Variants in POLR2E observed in about 807,000 individuals in gnomAD.
The protein encoded by POLR2E is RNA polymerase II, I and III subunit E, also known as DNA-directed RNA polymerases I, II, and III subunit RPABC1.
POLR2E carries 35 observed loss-of-function variants against 29.8 expected under a neutral mutation model. The observed-to-expected ratio is 1.17, with a 90% CI of 0.90 to 1.55. The LOEUF (loss-of-function observed/expected upper bound fraction) is 1.55. Ranked by LOEUF, POLR2E falls within the 40% of genes most tolerant of loss-of-function variation. POLR2E has a pLI of 0.00. For synonymous variants in POLR2E, 174 were observed against 112.6 expected, an observed-to-expected ratio of 1.55 and a Z score of -3.45; for missense variants, 287 against 288.6, an observed-to-expected ratio of 0.99 and a Z score of 0.04.
At chr19:1,092,675 A>G (rs2052102306) in intron 2 of POLR2E, among the ~76,000 whole-genome samples, 1 of 150,076 alleles carries the variant, frequency 6.7e-6, no homozygotes, top group Non-Finnish European at 1.5e-5. Flanking sequence ...GCAACAGAGC[A>G]AGACTCTGTC....
Position 1,087,693 on chromosome 19 carries a change from A to G in POLR2E, c.*1042T>C, listed in dbSNP as rs2043731942. 7.5e-6 allele frequency: 1 copy of G among 133,862 alleles called. No homozygotes were observed. The allele number at this position is 133,862 out of a possible 1,614,324, so 8.3% of individuals were successfully genotyped here. ...TTTGAAAAAAGTACATTTGGAGAGA[A>G]GGGGAAGCACTGTCCCCATCACACA... On this transcript the variant is annotated 3_prime_UTR_variant, in exon 8 of 8. Coordinates refer to ENST00000615234, the MANE Select transcript of POLR2E (RefSeq NM_002695.5).
At chr19:1,093,717 T>C in intron 2 of POLR2E, 187 bp downstream of exon 2, 1 of 1,374,990 alleles carries the variant, frequency 7.3e-7, no homozygotes. Flanking sequence ...AGAAAGAAGC[T>C]GAGCATGAGA....
At chr19:1,091,024 G>A (rs1269906408) in intron 3 of POLR2E, 36 bp from the exon 4 acceptor site, 1 of 1,591,866 alleles carries the variant, frequency 6.3e-7, no homozygotes, top group Middle Eastern at 1.7e-4. Context: ...GGCCCGGAGG[G>A]GCCCAGACAA....
In POLR2E at chr19:1,089,756, G is replaced by T. The variant is rs1237890489; in HGVS notation, c.567+128C>A. On this transcript the variant is annotated intron_variant, in intron 6 of 7. Transcript: ENST00000615234. ...TGGCTTTAAGAGGGGGATATTGGGG[G>T]TGTGGTCTCGAGGTCCCCTCCAGGC... is the stretch of plus-strand genomic sequence containing the variant. 26 of 816,762 alleles carry T rather than the reference G, an allele frequency of 3.2e-5. No homozygotes were observed. In the East Asian group the frequency reaches 5.8e-4, roughly 18 times the overall value. 50.6% of individuals were successfully genotyped at this position (816,762 alleles called of 1,614,324 possible).
intron 2 of POLR2E, 111 bp from the exon 3 acceptor site, chr19:1,092,018 T>A (rs2043843687): frequency 2.7e-6 from 2 of 736,866 alleles, no homozygotes; most frequent in Non-Finnish European, 4.8e-6. Context: ...GTGTCTCTCC[T>A]GCTCGGGCCT....
intron 2 of POLR2E, chr19:1,092,376 C>T (rs761308066): frequency 1.2e-4 from 19 of 160,424 alleles, no homozygotes; most frequent in Non-Finnish European, 1.9e-4. Context: ...AGTTCTAAAC[C>T]GGCCTGGCCA....
rs766966806 is a variant in POLR2E at position 1,091,828 on chromosome 19, G to A, written c.312C>T (p.Ile104=). 39 of 1,612,440 alleles carry A rather than the reference G, an allele frequency of 2.4e-5. No individual in the cohort carries two copies. The highest frequency in any genetic ancestry group is 2.2e-4 in the Admixed American group (13 of 59,994). Residue 104 remains isoleucine, a synonymous_variant, in exon 3 of 8, where the codon ATC becomes ATT. Transcript: ENST00000615234. ...AGGGTGTCATGCCCTGCTGCACCACGATGAGAGCCCGTGTGATGTTCTCCT... is the reference window on the plus strand; with the variant it reads ...AGGGTGTCATGCCCTGCTGCACCACAATGAGAGCCCGTGTGATGTTCTCCT... ...MQEENITRAL[I]VVQQGMTPSA...
Position 1,090,105 on chromosome 19 carries a change from G to A in POLR2E, c.470C>T (p.Thr157Ile). 6.2e-7 allele frequency: 1 copy of A among 1,612,614 alleles called. No homozygotes were observed. Among genetic ancestry groups the A allele is most frequent in the East Asian group, 2.2e-5 (1 of 44,884 alleles). ...EHVVMTKEEVTELLARYKLRE... is the reference protein window; with the variant it reads ...EHVVMTKEEVIELLARYKLRE... ...AGGATACTATCGGGCCAGCAGCTCT[G>A]TCACCTCCTCCTTGGTCATGACGAC... is the stretch of plus-strand genomic sequence containing the variant. Residue 157 changes from threonine to isoleucine, a missense_variant, in exon 5 of 8, where the codon ACA becomes ATA. Coordinates refer to ENST00000615234, the MANE Select transcript of POLR2E (RefSeq NM_002695.5).
intron 6 of POLR2E, 21 bp downstream of exon 6, chr19:1,089,863 C>G: frequency 6.3e-7 from 1 of 1,593,578 alleles, no homozygotes; most frequent in South Asian, 1.1e-5. Context: ...CCCCAGGGCC[C>G]CTTCTCCCCA....
At chr19:1,091,632 G>A in intron 3 of POLR2E, 160 bp downstream of exon 3, 1 of 613,218 alleles carries the variant, frequency 1.6e-6, no homozygotes. Context: ...CGCGGTGGGA[G>A]GGAGGCGGTC....
intron 3 of POLR2E, 161 bp downstream of exon 3, chr19:1,091,631 A>G: frequency 1.6e-6 from 1 of 609,744 alleles, no homozygotes; most frequent in Non-Finnish European, 3.0e-6. Context: ...ACGCGGTGGG[A>G]GGGAGGCGGT....
intron 7 of POLR2E, among the ~76,000 whole-genome samples, chr19:1,089,240 G>A (rs1233182540): frequency 6.6e-6 from 1 of 152,206 alleles, no homozygotes; most frequent in South Asian, 2.1e-4. Context: ...AGAGACGCAC[G>A]CCCCGCGTAC....
chr19:1,089,262 C>T (rs958293331), intron 7 of POLR2E, among the ~76,000 whole-genome samples: 5 of 152,330 alleles, frequency 3.3e-5, no homozygotes, highest in African/African-American at 2.4e-5. Flanking sequence ...AGGACTCTCC[C>T]GTCCAGGCGC....
intron 1 of POLR2E, 160 bp downstream of exon 1, chr19:1,095,099 A>G: frequency 1.5e-6 from 1 of 668,650 alleles, no homozygotes; most frequent in Non-Finnish European, 2.5e-6. Flanking sequence ...GGTCGGGTCC[A>G]GCGCCTGGTA....
chr19:1,090,879 G>A (rs746312231), intron 4 of POLR2E, 29 bp downstream of exon 4: 27 of 1,594,496 alleles, frequency 1.7e-5, no homozygotes, highest in Middle Eastern at 1.7e-4. Context: ...CCGGCCCCAC[G>A]CAGGCGGGAT....
At chr19:1,095,222 G>C in intron 1 of POLR2E, 37 bp downstream of exon 1, 1 of 1,606,650 alleles carries the variant, frequency 6.2e-7, no homozygotes, top group East Asian at 2.2e-5. Flanking sequence ...TACACCCGCC[G>C]CCCGCGCCCC....
In POLR2E at chr19:1,091,677, G is replaced by C. The variant is rs568050540; in HGVS notation, c.348+115C>G. 3 of 708,228 alleles carry C rather than the reference G, an allele frequency of 4.2e-6. No individual in the cohort carries two copies. The African/African-American group carries it at 5.2e-5, about 12-fold the overall frequency. The allele number at this position is 708,228 out of a possible 1,614,324, so 43.9% of individuals were successfully genotyped here. On this transcript the variant is annotated intron_variant, in intron 3 of 7. Transcript: ENST00000615234. Reference sequence around the variant, plus strand: ...CGGACATCCCGGCCACATCCTCCAGGGCACCCTGGCTGGCCTGGCCCAAAG... The same window carrying C: ...CGGACATCCCGGCCACATCCTCCAGCGCACCCTGGCTGGCCTGGCCCAAAG...
rs2043792709 is a variant in POLR2E at position 1,089,965 on chromosome 19, G to A, written c.489-3C>T. On this transcript the variant is annotated splice_polypyrimidine_tract_variant and splice_region_variant and intron_variant, in intron 5 of 7. Coordinates refer to ENST00000615234, the MANE Select transcript of POLR2E (RefSeq NM_002695.5). ...GCAGCTGGTTCTCTCGGAGCTTACTGCGAAGCACCGTCAGGAAAATGCCAG... is the reference window on the plus strand; with the variant it reads ...GCAGCTGGTTCTCTCGGAGCTTACTACGAAGCACCGTCAGGAAAATGCCAG... The A allele has an allele frequency of 1.2e-6, 2 of 1,610,560 alleles. No homozygotes were observed. The highest frequency in any genetic ancestry group is 1.3e-5 in the African/African-American group (1 of 74,524).
intron 2 of POLR2E, among the ~76,000 whole-genome samples, chr19:1,093,469 G>C (rs112536956): frequency 0.013 from 1,987 of 152,310 alleles, 25 homozygotes; most frequent in Non-Finnish European, 0.022. Context: ...AGGGGAGAGG[G>C]GGCATGGGGT....
Sources: gnomAD v4.1 joint callset for allele counts (sites outside exome capture counted in the v4.1 genomes callset) on GRCh38, gnomAD v4.1.1 for gene constraint, MANE v1.5 for transcripts, NCBI Gene and HGNC (gene_info 2026-07-23, HGNC 2026-07-21) for gene names.